UNC13C: variants seen among roughly 807,000 people sequenced by gnomAD.
The protein encoded by UNC13C is unc-13 homolog C, also known as protein unc-13 homolog C.
Under a neutral mutation model 245.4 loss-of-function variants are expected in UNC13C, and 174 were observed. The ratio of observed to expected loss-of-function variants is 0.71; its 90% CI spans 0.63 to 0.80. The LOEUF is 0.80. Ranked by LOEUF, UNC13C falls within the 30% of genes least tolerant of loss-of-function variation. The pLI, the probability that UNC13C is intolerant of heterozygous loss-of-function variation, is 0.00. For missense variants in UNC13C, 2,829 were observed against 2,602.9 expected (o/e 1.09, Z -1.89); for synonymous variants, 992 against 895.1 (o/e 1.11, Z -1.93).
intron 2 of UNC13C, among the ~76,000 whole-genome samples, chr15:54,020,160 A>G (rs902795800): frequency 1.3e-5 from 2 of 152,184 alleles, no homozygotes; most frequent in South Asian, 2.1e-4. Context: ...GAAGAGCACT[A>G]CTAAAAGCTA....
In UNC13C at chr15:54,622,309, G is replaced by A. The variant is rs779436214; in HGVS notation, c.6107-18G>A. ...TGAGTCTGAAAGCTCAGGCCAGTAA[G>A]CCTCTGCTTATTTTCAGGTCGTTCC... On this transcript the variant is annotated intron_variant, in intron 30 of 32. Coordinates refer to ENST00000260323, the MANE Select transcript of UNC13C (RefSeq NM_001080534.3). The A allele has an allele frequency of 6.3e-7, 1 of 1,589,360 alleles. No individual in the cohort carries two copies. The highest frequency in any genetic ancestry group is 1.3e-5 in the African/African-American group (1 of 74,462).
chr15:54,615,266 T>C (rs1900354053), intron 30 of UNC13C, among the ~76,000 whole-genome samples: 1 of 152,070 alleles, frequency 6.6e-6, no homozygotes, highest in Non-Finnish European at 1.5e-5. Context: ...TGTTATTGAC[T>C]ATAGTCACCC....
At chr15:54,104,038 C>T (rs369320689) in intron 2 of UNC13C, among the ~76,000 whole-genome samples, 4 of 152,226 alleles carry the variant, frequency 2.6e-5, no homozygotes, top group South Asian at 2.1e-4. Flanking sequence ...CCACCATGCC[C>T]GGCCACACGT....
intron 19 of UNC13C, among the ~76,000 whole-genome samples, chr15:54,460,919 A>G (rs1264497684): frequency 6.6e-6 from 1 of 152,198 alleles, no homozygotes; most frequent in African/African-American, 2.4e-5. Context: ...TGTAATAGTT[A>G]TAAATTAAAA....
At chr15:54,179,417 G>A (rs139730772) in intron 4 of UNC13C, among the ~76,000 whole-genome samples, 2,359 of 152,108 alleles carry the variant, frequency 0.016, 32 homozygotes, top group Non-Finnish European at 0.024. Flanking sequence ...GGAATACATG[G>A]AGAGTTTCAC....
At chr15:54,310,975 C>T (rs1396878693) in intron 13 of UNC13C, among the ~76,000 whole-genome samples, 1 of 151,540 alleles carries the variant, frequency 6.6e-6, no homozygotes, top group African/African-American at 2.4e-5. Flanking sequence ...CATCAATTGC[C>T]TAATCATTTA....
At chr15:54,511,710 A>G in intron 23 of UNC13C, 43 bp from the exon 24 acceptor site, 1 of 1,366,868 alleles carries the variant, frequency 7.3e-7, no homozygotes, top group Admixed American at 2.1e-5. Context: ...ATAATTTTAT[A>G]TAAAAAGATT....
At chr15:54,152,960 T>C (rs2032586735) in intron 4 of UNC13C, among the ~76,000 whole-genome samples, 1 of 152,162 alleles carries the variant, frequency 6.6e-6, no homozygotes. Flanking sequence ...CCTTATTCCA[T>C]GAAGGTAGAT....
chr15:54,389,982 G>T (rs377143402), intron 17 of UNC13C, among the ~76,000 whole-genome samples: 29 of 152,160 alleles, frequency 1.9e-4, no homozygotes, highest in Non-Finnish European at 3.5e-4. Context: ...ACCTACCTCA[G>T]CCTCCCAAAG....
chr15:54,081,158 G>A (rs908845520), intron 2 of UNC13C, among the ~76,000 whole-genome samples: 1 of 151,968 alleles, frequency 6.6e-6, no homozygotes, highest in Admixed American at 6.6e-5. Flanking sequence ...TTTGTTTTGT[G>A]GTCTGATAAT....
At chr15:54,535,268 A>G (rs924512616) in intron 26 of UNC13C, among the ~76,000 whole-genome samples, 4 of 152,108 alleles carry the variant, frequency 2.6e-5, no homozygotes, top group African/African-American at 7.2e-5. Context: ...ATCCAAAAAA[A>G]CCCAATATCA....
chr15:54,443,759 G>A (rs1030756461), intron 19 of UNC13C, among the ~76,000 whole-genome samples: 1 of 151,206 alleles, frequency 6.6e-6, no homozygotes, highest in Non-Finnish European at 1.5e-5. Context: ...TTTTATTGTT[G>A]TATGAGAAGA....
intron 13 of UNC13C, among the ~76,000 whole-genome samples, chr15:54,309,406 G>A (rs1045967943): frequency 6.6e-6 from 1 of 151,592 alleles, no homozygotes; most frequent in Non-Finnish European, 1.5e-5. Context: ...GGATATTAAC[G>A]CTTTATTAAA....
chr15:54,155,058 A>G, intron 4 of UNC13C, among the ~76,000 whole-genome samples: 1 of 152,198 alleles, frequency 6.6e-6, no homozygotes, highest in East Asian at 1.9e-4. Flanking sequence ...TCCTATCCTT[A>G]TATTCTATCA....
chr15:54,132,074 CT>C (rs1555420957), intron 2 of UNC13C, among the ~76,000 whole-genome samples: 1 of 110,646 alleles, frequency 9.0e-6, no homozygotes, highest in African/African-American at 3.2e-5. Flanking sequence ...TTTTCTTTTT[CT>C]TTTTTTTTTT....
In UNC13C at chr15:54,627,130, T is replaced by C. The variant is rs1163328386; in HGVS notation, c.*17T>C. On this transcript the variant is annotated 3_prime_UTR_variant, in exon 33 of 33. Transcript: ENST00000260323. ...AGTGCTTGAAACAAACACTGCAAGC[T>C]AAATACATAACTATAATTGTTTGAC... 6.3e-7 allele frequency: 1 copy of C among 1,593,418 alleles called. No homozygotes were observed.
chr15:54,410,184 G>T (rs2040388887), intron 18 of UNC13C, among the ~76,000 whole-genome samples: 1 of 152,128 alleles, frequency 6.6e-6, no homozygotes, highest in Non-Finnish European at 1.5e-5. Flanking sequence ...CTTTTGAGAA[G>T]TCTCTGTTCA....
chr15:54,133,592 T>C (rs1199083913), intron 2 of UNC13C, among the ~76,000 whole-genome samples: 3 of 152,142 alleles, frequency 2.0e-5, no homozygotes, highest in East Asian at 1.9e-4. Flanking sequence ...AATGAACCTG[T>C]TGTGAGATGA....
chr15:54,543,735 A>G (rs978550513), intron 26 of UNC13C, among the ~76,000 whole-genome samples: 2 of 152,170 alleles, frequency 1.3e-5, no homozygotes, highest in African/African-American at 2.4e-5. Context: ...CCCTCCCCAG[A>G]CAAACCCAGG....
Sources: gnomAD v4.1 joint callset for allele counts (sites outside exome capture counted in the v4.1 genomes callset) on GRCh38, gnomAD v4.1.1 for gene constraint, MANE v1.5 for transcripts, NCBI Gene and HGNC (gene_info 2026-07-23, HGNC 2026-07-21) for gene names.